DHRSX: variants seen among roughly 807,000 people sequenced by gnomAD.
The protein encoded by DHRSX is dehydrogenase/reductase X-linked.
A neutral mutation model predicts 34.0 loss-of-function variants in DHRSX; 31 were observed. The observed-to-expected ratio is 0.91, with a 90% CI of 0.69 to 1.23. DHRSX has a LOEUF of 1.23. Ranked by LOEUF, DHRSX falls within the 50% of genes most tolerant of loss-of-function variation. The probability of loss-of-function intolerance (pLI) is 0.00; values close to 1 mark genes in which losing one functional copy is unlikely to be tolerated. For missense variants in DHRSX, 414 were observed against 428.1 expected (o/e 0.97, Z 0.29); for synonymous variants, 201 against 183.8 (o/e 1.09, Z -0.76).
rs188192648 is a variant in DHRSX, at chrX:2,285,701, C to T, written c.388+5801G>A. Among the ~76,000 whole-genome samples, 559 of 152,304 alleles carry T rather than the reference C, an allele frequency of 3.7e-3. 4 individuals carry two copies. Among genetic ancestry groups the T allele is most frequent in the Non-Finnish European group, 4.1e-3 (280 of 68,026 alleles). ...CTCTTAGACACTAAAAGTACCACCA[C>T]TGGAGTCCTTCCCTGAGGCTGCCTA... On this transcript the variant is annotated intron_variant, in intron 4 of 6. Transcript: ENST00000334651.
chrX:2,453,800 G>C (rs771382229), intron 1 of DHRSX, among the ~76,000 whole-genome samples: 1 of 151,940 alleles, frequency 6.6e-6, no homozygotes, highest in Non-Finnish European at 1.5e-5. Context: ...AAGTAGATTT[G>C]ACATATTCTC....
chrX:2,500,930 G>T lies in DHRSX; in HGVS notation c.-5C>A. ...CGCCGCAGACAATGGCGACATGGCT[G>T]CCCCGGCCGCGCCGCCGCCGCTTCC... On this transcript the variant is annotated 5_prime_UTR_variant, in exon 1 of 7. Transcript: ENST00000334651. 5.6e-6 allele frequency: 6 copies of T among 1,065,808 alleles called. No individual in the cohort carries two copies. Among genetic ancestry groups the T allele is most frequent in the Non-Finnish European group, 6.8e-6 (6 of 883,092 alleles). 66.0% of individuals were successfully genotyped at this position (1,065,808 alleles called of 1,614,324 possible).
chrX:2,403,700 C>CA (rs1251582571), intron 3 of DHRSX, among the ~76,000 whole-genome samples: 2 of 151,740 alleles, frequency 1.3e-5, no homozygotes, highest in East Asian at 3.9e-4. Context: ...ACTAAAAATA[C>CA]AAAAAATTAG....
rs1469677868 is a variant in DHRSX at position 2,376,738 on chromosome X, G to T, written c.286+32007C>A. On this transcript the variant is annotated intron_variant, in intron 3 of 6. Transcript: ENST00000334651. Reference sequence around the variant, plus strand: ...AGGCCGGGTATAGTGGCTCACGCCTGTCATCCCAGCACTTTGGGAGGCTGA... The same window carrying T: ...AGGCCGGGTATAGTGGCTCACGCCTTTCATCCCAGCACTTTGGGAGGCTGA... 2.0e-5 allele frequency among the ~76,000 whole-genome samples: 3 copies of T among 151,758 alleles called. 1 individual carries two copies. The highest frequency in any genetic ancestry group is 7.2e-5 in the African/African-American group (3 of 41,404).
chrX:2,435,814 G>A (rs1232424228), intron 1 of DHRSX, among the ~76,000 whole-genome samples: 1 of 152,016 alleles, frequency 6.6e-6, no homozygotes, highest in Non-Finnish European at 1.5e-5. Flanking sequence ...CTATGCTTAC[G>A]CCATATGATA....
intron 6 of DHRSX, among the ~76,000 whole-genome samples, chrX:2,224,286 ATTG>A (rs2015586429): frequency 6.6e-6 from 1 of 151,978 alleles, no homozygotes; most frequent in Non-Finnish European, 1.5e-5. Context: ...CATCGTCCCT[ATTG>A]TTGAACAAAC....
chrX:2,231,653 CTTTTCTTCT>C (rs2124409899), intron 6 of DHRSX, among the ~76,000 whole-genome samples: 2 of 145,772 alleles, frequency 1.4e-5, no homozygotes, highest in African/African-American at 5.3e-5. Context: ...CTCTCTCTGC[CTTTTCTTCT>C]TTTTTTCTTT....
At chrX:2,433,323 T>C (rs2043951087) in intron 1 of DHRSX, among the ~76,000 whole-genome samples, 2 of 152,086 alleles carry the variant, frequency 1.3e-5, no homozygotes, top group East Asian at 3.8e-4. Context: ...CAGGCTCAAA[T>C]GGCCCTCAAC....
At position 2,473,141 on chromosome X, in the gene DHRSX, C is replaced by T. The variant is rs186656779; in HGVS notation, c.109+27676G>A. On this transcript the variant is annotated intron_variant, in intron 1 of 6. Coordinates refer to ENST00000334651, the MANE Select transcript of DHRSX (RefSeq NM_145177.3). ...CCTCAGGAACGTGGCACAGTCAGCTCGCCACAGGGGTGACCCCAGAAACAA... is the reference window on the plus strand; with the variant it reads ...CCTCAGGAACGTGGCACAGTCAGCTTGCCACAGGGGTGACCCCAGAAACAA... Among the ~76,000 whole-genome samples, 264 of 142,614 alleles carry T rather than the reference C, an allele frequency of 1.9e-3. 2 individuals carry two copies. Among genetic ancestry groups the T allele is most frequent in the African/African-American group, 7.2e-3 (247 of 34,498 alleles). The allele number at this position is 142,614 out of a possible 152,430, so 93.6% of individuals were successfully genotyped here.
At chrX:2,300,577 A>T (rs2041998179) in intron 3 of DHRSX, among the ~76,000 whole-genome samples, 1 of 152,132 alleles carries the variant, frequency 6.6e-6, no homozygotes, top group African/African-American at 2.4e-5. Context: ...AGGCAAAAGA[A>T]TGTGAAAAGG....
At chrX:2,276,118 A>C (rs1360842644) in intron 4 of DHRSX, among the ~76,000 whole-genome samples, 1 of 152,234 alleles carries the variant, frequency 6.6e-6, no homozygotes, top group Non-Finnish European at 1.5e-5. Context: ...CTGGGATTAC[A>C]GGCGTGGGCC....
chrX:2,355,969 G>A (rs988634157), intron 3 of DHRSX, among the ~76,000 whole-genome samples: 2 of 151,914 alleles, frequency 1.3e-5, no homozygotes, highest in African/African-American at 4.8e-5. Context: ...GGGAGGCTAA[G>A]GCAGGAGAAT....
intron 3 of DHRSX, among the ~76,000 whole-genome samples, chrX:2,398,897 G>A (rs758457859): frequency 1.3e-4 from 20 of 152,128 alleles, no homozygotes; most frequent in African/African-American, 4.3e-4. Flanking sequence ...CTGTCGCCCA[G>A]GCTGGAGTGC....
Position 2,443,777 on chromosome X carries a change from C to A in DHRSX, c.110-18473G>T, listed in dbSNP as rs774215946. On this transcript the variant is annotated intron_variant, in intron 1 of 6. Coordinates refer to ENST00000334651, the MANE Select transcript of DHRSX (RefSeq NM_145177.3). ...ATCCCAGCACTTTGGGAGGCCGAGG[C>A]GGGCAGATCACGAGGTCAGGATATC... Among the ~76,000 whole-genome samples the A allele has an allele frequency of 2.2e-4, 34 of 152,080 alleles. No homozygotes were observed. In the South Asian group the frequency reaches 5.6e-3, roughly 25 times the overall value.
intron 3 of DHRSX, among the ~76,000 whole-genome samples, chrX:2,363,642 G>A (rs1317633160): frequency 5.1e-5 from 7 of 136,454 alleles, no homozygotes; most frequent in South Asian, 5.0e-4. Context: ...GTATCATGCC[G>A]CCATTTTATC....
intron 1 of DHRSX, among the ~76,000 whole-genome samples, chrX:2,485,526 GAAGGGAGGGAGGGAGAA>G (rs1404964528): frequency 7.1e-6 from 1 of 141,362 alleles, no homozygotes; most frequent in Non-Finnish European, 1.5e-5. Context: ...AACGAAAGAG[GAAGGGAGGGAGGGAGAA>G]AAGGGAGGGA....
At chrX:2,364,023 G>A (rs1320362871) in intron 3 of DHRSX, among the ~76,000 whole-genome samples, 1 of 152,100 alleles carries the variant, frequency 6.6e-6, no homozygotes, top group African/African-American at 2.4e-5. Context: ...ACACAGCACA[G>A]CCATGTTTGG....
chrX:2,500,833 C>T lies in DHRSX; in HGVS notation c.93G>A (p.Gly31=), dbSNP rs891238528. The part of the protein sequence containing the change: ...ILAQLLRRCR[G]GFLEPVFPPR... ...CCCGCTGACCTGGCTCCAGGAAGCC[C>T]CCGCGGCAGCGCCGCAGCAGCTGCG... The change falls in exon 1 of 7, where the codon GGG becomes GGA. Residue 31 remains glycine (G), a synonymous_variant. Transcript: ENST00000334651. 1.8e-6 allele frequency: 2 copies of T among 1,142,848 alleles called. No homozygotes were observed. Among genetic ancestry groups the T allele is most frequent in the Non-Finnish European group, 2.2e-6 (2 of 928,778 alleles). 70.8% of individuals were successfully genotyped at this position (1,142,848 alleles called of 1,614,324 possible).
chrX:2,417,960 CTT>C (rs1234727694), intron 2 of DHRSX, among the ~76,000 whole-genome samples: 25 of 151,662 alleles, frequency 1.6e-4, no homozygotes, highest in South Asian at 2.1e-4. Flanking sequence ...CTCATCATGA[CTT>C]AATACAAATA....
Sources: allele counts gnomAD v4.1 joint callset (sites outside exome capture counted in the v4.1 genomes callset), GRCh38; gene constraint gnomAD v4.1.1; transcripts MANE v1.5; gene names NCBI Gene and HGNC (gene_info 2026-07-23, HGNC 2026-07-21).